COL24A1: variants seen among roughly 807,000 people sequenced by gnomAD.
COL24A1 encodes collagen type XXIV alpha 1 chain.
COL24A1 carries 224 observed loss-of-function variants against 253.9 expected under a neutral mutation model. That is an observed-to-expected ratio of 0.88 (90% CI 0.79 to 0.99). COL24A1 has a LOEUF of 0.99. COL24A1 is among the 50% of genes least tolerant of loss of function. The pLI is 0.00. For synonymous variants in COL24A1, 685 were observed against 673.7 expected, an observed-to-expected ratio of 1.02 and a Z score of -0.26; for missense variants, 2,131 against 2,068.5, an observed-to-expected ratio of 1.03 and a Z score of -0.59.
At chr1:86,148,714 G>A (rs1241429485) in intron 1 of COL24A1, among the ~76,000 whole-genome samples, 1 of 152,130 alleles carries the variant, frequency 6.6e-6, no homozygotes, top group East Asian at 1.9e-4. Context: ...ATTCCATGGT[G>A]TATATGTGCC....
chr1:86,047,630 TA>T (rs1700003859), intron 11 of COL24A1, among the ~76,000 whole-genome samples: 1 of 152,058 alleles, frequency 6.6e-6, no homozygotes, highest in Admixed American at 6.6e-5. Flanking sequence ...ATATGTTTAT[TA>T]AAATCTTCAT....
intron 12 of COL24A1, among the ~76,000 whole-genome samples, chr1:86,037,339 C>T (rs1699115517): frequency 6.6e-6 from 1 of 152,110 alleles, no homozygotes; most frequent in South Asian, 2.1e-4. Flanking sequence ...GATATCACTG[C>T]CATGATTATG....
chr1:85,758,865 T>C (rs1666546101), intron 55 of COL24A1, among the ~76,000 whole-genome samples: 1 of 152,160 alleles, frequency 6.6e-6, no homozygotes, highest in African/African-American at 2.4e-5. Context: ...ATTTTAGTCA[T>C]TTAAAAATAT....
intron 20 of COL24A1, among the ~76,000 whole-genome samples, chr1:85,983,338 C>G (rs1046009013): frequency 6.6e-5 from 10 of 151,952 alleles, no homozygotes; most frequent in Non-Finnish European, 1.3e-4. Flanking sequence ...GTGTAGTTCT[C>G]AAAAAGGCTT....
At chr1:86,098,558 T>A (rs1004938999) in intron 5 of COL24A1, among the ~76,000 whole-genome samples, 11 of 152,170 alleles carry the variant, frequency 7.2e-5, no homozygotes, top group African/African-American at 2.7e-4. Context: ...TTTAGCCACA[T>A]CCTTTTAGAA....
intron 7 of COL24A1, among the ~76,000 whole-genome samples, chr1:86,069,314 G>C (rs1430056561): frequency 6.6e-6 from 1 of 152,172 alleles, no homozygotes; most frequent in Admixed American, 6.5e-5. Context: ...ATTGGTGAAA[G>C]CCTAGCAGAA....
chr1:85,980,583 G>A (rs536104751), intron 20 of COL24A1, among the ~76,000 whole-genome samples: 70 of 152,020 alleles, frequency 4.6e-4, no homozygotes, highest in Non-Finnish European at 8.5e-4. Context: ...TTTTACAATA[G>A]CTACAAAAAT....
intron 43 of COL24A1, among the ~76,000 whole-genome samples, chr1:85,824,861 T>G (rs1277459008): frequency 1.3e-5 from 2 of 152,028 alleles, no homozygotes; most frequent in Non-Finnish European, 2.9e-5. Context: ...TCTCCTGGGC[T>G]AGAAGAAGAG....
intron 2 of COL24A1, among the ~76,000 whole-genome samples, chr1:86,127,173 C>T (rs1265323173): frequency 6.6e-6 from 1 of 152,040 alleles, no homozygotes; most frequent in East Asian, 1.9e-4. Context: ...TTTTTCTGTC[C>T]CTTCCAAGCT....
intron 5 of COL24A1, among the ~76,000 whole-genome samples, chr1:86,108,150 T>C (rs933776661): frequency 1.3e-5 from 2 of 152,160 alleles, no homozygotes; most frequent in African/African-American, 2.4e-5. Flanking sequence ...TACTAAACAG[T>C]ATTTAAAAAC....
intron 28 of COL24A1, among the ~76,000 whole-genome samples, chr1:85,896,771 T>A (rs1027583429): frequency 6.6e-6 from 1 of 152,194 alleles, no homozygotes; most frequent in Non-Finnish European, 1.5e-5. Flanking sequence ...GTGCTGGGAT[T>A]ACAGGCGTGA....
intron 33 of COL24A1, among the ~76,000 whole-genome samples, chr1:85,876,319 T>A (rs1681163354): frequency 6.6e-6 from 1 of 151,870 alleles, no homozygotes; most frequent in Non-Finnish European, 1.5e-5. Context: ...GAAGAAGGAG[T>A]CTAGGATGAC....
At chr1:85,825,633 G>A (rs1015625780) in intron 43 of COL24A1, among the ~76,000 whole-genome samples, 1 of 150,388 alleles carries the variant, frequency 6.6e-6, no homozygotes, top group African/African-American at 2.5e-5. Flanking sequence ...GTGTGAGATG[G>A]TATCTCATTG....
At chr1:85,827,322 G>T (rs1388627499) in intron 43 of COL24A1, among the ~76,000 whole-genome samples, 1 of 151,378 alleles carries the variant, frequency 6.6e-6, no homozygotes, top group African/African-American at 2.4e-5. Flanking sequence ...GCTGGATTCA[G>T]TTTGCCAGTA....
At chr1:85,895,793 G>A (rs943209815) in intron 31 of COL24A1, 65 bp downstream of exon 31, 6 of 1,297,288 alleles carry the variant, frequency 4.6e-6, no homozygotes, top group African/African-American at 1.5e-5. Context: ...CATTGTTTGA[G>A]CAGCCCCTTT....
chr1:86,075,010 A>G (rs746692384), intron 7 of COL24A1, among the ~76,000 whole-genome samples: 2 of 152,158 alleles, frequency 1.3e-5, no homozygotes, highest in African/African-American at 2.4e-5. Flanking sequence ...CAAAGTCAAA[A>G]GCTAGCAGAA....
At chr1:85,927,638 C>T (rs1687459272) in intron 24 of COL24A1, among the ~76,000 whole-genome samples, 1 of 91,684 alleles carries the variant, frequency 1.1e-5, no homozygotes, top group Non-Finnish European at 2.3e-5. Context: ...AGGGCACAGA[C>T]AAACAAAAAG....
At chr1:85,801,036 T>C (rs926620536) in intron 47 of COL24A1, among the ~76,000 whole-genome samples, 1 of 152,200 alleles carries the variant, frequency 6.6e-6, no homozygotes, top group African/African-American at 2.4e-5. Flanking sequence ...ACACAGTTTC[T>C]CGAGATTATT....
chr1:85,912,161 C>A (rs937608525), intron 24 of COL24A1, among the ~76,000 whole-genome samples: 1 of 151,996 alleles, frequency 6.6e-6, no homozygotes, highest in Admixed American at 6.6e-5. Flanking sequence ...GCCAGCCAGC[C>A]AAAGAAGGGA....
Sources: gnomAD v4.1 joint callset for allele counts (sites outside exome capture counted in the v4.1 genomes callset) on GRCh38, gnomAD v4.1.1 for gene constraint, MANE v1.5 for transcripts, NCBI Gene and HGNC (gene_info 2026-07-23, HGNC 2026-07-21) for gene names.